MGA: variants seen among roughly 807,000 people sequenced by gnomAD.
The protein encoded by MGA is MAX gene-associated protein.
A neutral mutation model predicts 261.1 loss-of-function variants in MGA; 40 were observed. The ratio of observed to expected loss-of-function variants is 0.15; its 90% confidence interval spans 0.12 to 0.20. The LOEUF (loss-of-function observed/expected upper bound fraction) is 0.20. MGA is among the 10% of genes least tolerant of loss of function. MGA has a pLI of 1.00. For missense variants in MGA, 3,397 were observed against 3,630.5 expected, an observed-to-expected ratio of 0.94 and a Z score of 1.65; for synonymous variants, 1,302 against 1,290.6, an observed-to-expected ratio of 1.01 and a Z score of -0.19.
At chr15:41,715,086 A>G (rs2151522176) in intron 9 of MGA, among the ~76,000 whole-genome samples, 1 of 137,148 alleles carries the variant, frequency 7.3e-6, no homozygotes, top group African/African-American at 2.7e-5. Context: ...GCCCCCAGTG[A>G]AAAAGCAGTG....
At chr15:41,691,833 G>C (rs2059305018) in intron 2 of MGA, among the ~76,000 whole-genome samples, 1 of 151,782 alleles carries the variant, frequency 6.6e-6, no homozygotes, top group African/African-American at 2.4e-5. Context: ...TTTTCCCTCT[G>C]CTGCTTTCAG....
At chr15:41,677,048 C>G (rs140672733) in intron 2 of MGA, among the ~76,000 whole-genome samples, 14 of 152,346 alleles carry the variant, frequency 9.2e-5, no homozygotes, top group African/African-American at 3.4e-4. Flanking sequence ...CACTTAAAGG[C>G]CACTTGCCTG....
At chr15:41,699,485 TTTTG>T (rs2059722291) in intron 5 of MGA, among the ~76,000 whole-genome samples, 1 of 119,228 alleles carries the variant, frequency 8.4e-6, no homozygotes, top group South Asian at 2.8e-4. Flanking sequence ...ATTTGGTTGC[TTTTG>T]TTTATGTGTG....
rs540985411 is a variant in MGA at position 41,766,590 on chromosome 15, A to C, written c.8508A>C (p.Gln2836His). The C allele has an allele frequency of 1.9e-6, 3 of 1,614,002 alleles. No homozygotes were observed. The highest frequency in any genetic ancestry group is 2.5e-6 in the Non-Finnish European group (3 of 1,179,890). The change falls in exon 24 of 24, where the codon CAA becomes CAC. Residue 2836 changes from glutamine (Q) to histidine (H), a missense_variant. By Grantham distance (24) the Gln-to-His change is conservative. This residue lies in a region of MGA where 647 missense variants were observed against 642.4 expected (regional missense o/e 1.01). Coordinates refer to ENST00000219905, the MANE Select transcript of MGA (RefSeq NM_001164273.2). ...ATGAAATTGCCTTTCTTAATCAACA[A>C]CTAAATGATGACTCTGTTGGCCTGG...
intron 2 of MGA, among the ~76,000 whole-genome samples, chr15:41,686,122 C>T (rs554480383): frequency 2.0e-5 from 3 of 152,110 alleles, no homozygotes; most frequent in African/African-American, 7.2e-5. Flanking sequence ...ACAGTGTTAC[C>T]TGTGAACAAA....
chr15:41,681,965 T>A lies in MGA; in HGVS notation c.1064+12007T>A, dbSNP rs376937829. Among the ~76,000 whole-genome samples the A allele has an allele frequency of 3.2e-4, 49 of 152,350 alleles. 1 individual carries two copies. The South Asian group carries it at 9.3e-3, about 29-fold the overall frequency. On this transcript the variant is annotated intron_variant, in intron 2 of 23. Transcript: ENST00000219905. ...GGAGTTTTGCTCTTATTGCCCAGGC[T>A]GGAGTGCAATGGTGCGATCTCGGCT...
intron 9 of MGA, among the ~76,000 whole-genome samples, chr15:41,720,313 A>T (rs2060873613): frequency 6.6e-6 from 1 of 152,156 alleles, no homozygotes; most frequent in African/African-American, 2.4e-5. Flanking sequence ...AGGCAGGAGG[A>T]TCGCTTGAGC....
chr15:41,693,306 C>T (rs1356408681), intron 2 of MGA, among the ~76,000 whole-genome samples: 2 of 116,362 alleles, frequency 1.7e-5, no homozygotes, highest in African/African-American at 6.5e-5. Context: ...TATCCCTCCC[C>T]CCTCCCCCCA....
upstream of MGA, among the ~76,000 whole-genome samples, chr15:41,658,207 A>G (rs1265651371): frequency 1.3e-5 from 2 of 152,188 alleles, no homozygotes; most frequent in Non-Finnish European, 2.9e-5. Context: ...GTCTAGGAAA[A>G]TCAAGGCAAA....
intron 3 of MGA, among the ~76,000 whole-genome samples, chr15:41,698,310 AG>A (rs2151320641): frequency 1.3e-5 from 2 of 151,528 alleles, no homozygotes; most frequent in African/African-American, 2.4e-5. Flanking sequence ...CTGGGACTAC[AG>A]GTGTGCATCA....
At chr15:41,648,258 T>A (rs1484419355) in intron 1 of MGA, among the ~76,000 whole-genome samples, 1 of 152,234 alleles carries the variant, frequency 6.6e-6, no homozygotes, top group East Asian at 1.9e-4. Flanking sequence ...AGCCAGAGTG[T>A]CTGGGTTCAA....
At chr15:41,761,479 G>A (rs907249618) in intron 20 of MGA, among the ~76,000 whole-genome samples, 2 of 152,142 alleles carry the variant, frequency 1.3e-5, no homozygotes, top group African/African-American at 2.4e-5. Context: ...GTATCTCCTC[G>A]CAGTGGTGGA....
In MGA at chr15:41,766,756, G is replaced by C. The variant is rs775171003; in HGVS notation, c.8674G>C (p.Gly2892Arg). The C allele has an allele frequency of 1.2e-6, 2 of 1,613,960 alleles. No homozygotes were observed. The highest frequency in any genetic ancestry group is 3.3e-5 in the Admixed American group (2 of 60,016). ...TTTGAAAGAGTTGCCTGATGTTCAA[G>C]GGGAGAGTGACTCTATCAGTCCCCT... Residue 2892 changes from glycine (G) to arginine (R), a missense_variant, in exon 24 of 24, where the codon GGG becomes CGG. Gly to Arg is a moderately radical substitution (Grantham distance 125). Around this residue, in one of 9 missense-constraint regions of MGA, gnomAD observed 647 missense variants for 642.4 expected, o/e 1.01. Transcript: ENST00000219905.
intron 3 of MGA, among the ~76,000 whole-genome samples, chr15:41,697,929 C>T (rs552658362): frequency 1.1e-4 from 16 of 152,166 alleles, no homozygotes; most frequent in African/African-American, 3.4e-4. Context: ...AGTGCAGTAG[C>T]GCAATCTTGG....
chr15:41,654,973 T>A (rs2057134548), intron 1 of MGA, among the ~76,000 whole-genome samples: 1 of 152,208 alleles, frequency 6.6e-6, no homozygotes, highest in East Asian at 1.9e-4. Flanking sequence ...TAACATTTTT[T>A]CCAATTTATT....
At chr15:41,659,542 G>C (rs2057287141), upstream of MGA, among the ~76,000 whole-genome samples, 1 of 152,182 alleles carries the variant, frequency 6.6e-6, no homozygotes, top group African/African-American at 2.4e-5. Flanking sequence ...AAGAACAGCT[G>C]GTAAGGAGTA....
Position 41,669,941 on chromosome 15 carries a change from G to A in MGA, c.1047G>A (p.Lys349=), listed in dbSNP as rs369298260. 4 of 1,611,988 alleles carry A rather than the reference G, an allele frequency of 2.5e-6. No homozygotes were observed. In the African/African-American group the frequency reaches 4.0e-5, roughly 16 times the overall value. The change falls in exon 2 of 24, where the codon AAG becomes AAA. Residue 349 remains lysine, a synonymous_variant. Transcript: ENST00000219905. Reference sequence around the variant, plus strand: ...CACTTAGTGAAGTTCCTCAATTGAAGCAAGAGATTTCTGAATGGTAAGTAG... The same window carrying A: ...CACTTAGTGAAGTTCCTCAATTGAAACAAGAGATTTCTGAATGGTAAGTAG...
Position 41,743,293 on chromosome 15 carries a change from A to G in MGA, c.5212+121A>G, listed in dbSNP as rs1289774039. ...GTATAGGTATTTCTGTTGTAACATG[A>G]TACATGTATTCCTGAAAACCTCTGC... On this transcript the variant is annotated intron_variant, in intron 15 of 23. Transcript: ENST00000219905. The G allele has an allele frequency of 3.2e-6, 4 of 1,230,966 alleles. No individual in the cohort carries two copies. The East Asian group carries it at 1.0e-4, about 32-fold the overall frequency. The allele number at this position is 1,230,966 out of a possible 1,614,324, so 76.3% of individuals were successfully genotyped here.
rs971437299 is a variant in MGA at position 41,754,387 on chromosome 15, G to A, written c.7009-50G>A. 13 of 1,456,488 alleles carry A rather than the reference G, an allele frequency of 8.9e-6. No individual in the cohort carries two copies. In the African/African-American group the frequency reaches 1.3e-4, roughly 14 times the overall value. 90.2% of individuals were successfully genotyped at this position (1,456,488 alleles called of 1,614,324 possible). A position where few individuals can be genotyped will look rare whatever the true frequency, so the allele number is the denominator to read the frequency against. On this transcript the variant is annotated intron_variant, in intron 17 of 23. Transcript: ENST00000219905. ...GGGAACAAACATTTGAAAAGTTTAGGTGTGCTTGCCACTCAATACATTATT... is the reference window on the plus strand; with the variant it reads ...GGGAACAAACATTTGAAAAGTTTAGATGTGCTTGCCACTCAATACATTATT...
Sources: gnomAD v4.1 joint callset for allele counts (sites outside exome capture counted in the v4.1 genomes callset) on GRCh38, gnomAD v4.1.1 for gene constraint, gnomAD v4.1.1 regional missense constraint, MANE v1.5 for transcripts, NCBI Gene and HGNC (gene_info 2026-07-23, HGNC 2026-07-21) for gene names.